The following STRA8 variants were observed in gnomAD, a reference collection of about 807,000 sequenced individuals.
STRA8 encodes the protein stimulated by retinoic acid gene 8 protein homolog.
A neutral mutation model predicts 37.1 loss-of-function variants in STRA8; 18 were observed. The observed-to-expected ratio is 0.48, with a 90% CI of 0.34 to 0.72. The LOEUF (loss-of-function observed/expected upper bound fraction) is 0.72. Ranked by LOEUF, STRA8 falls within the 30% of genes least tolerant of loss-of-function variation. The pLI is 0.01. For synonymous variants in STRA8, 168 were observed against 162.9 expected (o/e 1.03, Z -0.24); for missense variants, 357 against 410.4 (o/e 0.87, Z 1.13).
In STRA8 at chr7:135,246,238, C is replaced by T; in HGVS notation, c.594-179C>T. On this transcript the variant is annotated intron_variant, in intron 5 of 8. Coordinates refer to ENST00000662584, the MANE Select transcript of STRA8 (RefSeq NM_001394401.1). This position sits in a 1 kb window ranked among gnomAD's most constrained non-coding sequence, Gnocchi z 5.4. Reference sequence around the variant, plus strand: ...AGCCCAAGTCTATGTCCTTCATGGCCCCCAGGAAGGCTGCTGCTCTCCAAG... The same window carrying T: ...AGCCCAAGTCTATGTCCTTCATGGCTCCCAGGAAGGCTGCTGCTCTCCAAG... The T allele has an allele frequency of 2.5e-6, 2 of 811,970 alleles. No individual in the cohort carries two copies. Among genetic ancestry groups the T allele is most frequent in the Non-Finnish European group, 3.8e-6 (2 of 519,926 alleles). The allele number at this position is 811,970 out of a possible 1,614,324, so 50.3% of individuals were successfully genotyped here.
chr7:135,247,953 C>G (rs1207658531), intron 6 of STRA8, among the ~76,000 whole-genome samples: 1 of 152,252 alleles, frequency 6.6e-6, no homozygotes, highest in African/African-American at 2.4e-5. Context: ...TGCACATGCC[C>G]TGTGCTTCGT....
At chr7:135,236,322 C>T (rs190412916) in intron 1 of STRA8, among the ~76,000 whole-genome samples, 53 of 151,624 alleles carry the variant, frequency 3.5e-4, no homozygotes, top group Admixed American at 1.3e-3. Context: ...GATTTCTTGC[C>T]TCATCCAAAA....
chr7:135,244,542 A>T (rs764858068), intron 4 of STRA8, among the ~76,000 whole-genome samples: 1 of 152,178 alleles, frequency 6.6e-6, no homozygotes, highest in Non-Finnish European at 1.5e-5. Flanking sequence ...TAATAGATTG[A>T]GCTTTTTGTT....
At chr7:135,244,527 GTTTT>G (rs1319290253) in intron 4 of STRA8, among the ~76,000 whole-genome samples, 13 of 152,082 alleles carry the variant, frequency 8.5e-5, no homozygotes, top group African/African-American at 2.7e-4. Context: ...AATTTATCCT[GTTTT>G]TAATAGATTG....
rs1832547956 is a variant in STRA8 at position 135,246,026 on chromosome 7, C to A, written c.594-391C>A. The A allele has an allele frequency of 7.4e-6, 2 of 270,468 alleles. No individual in the cohort carries two copies. Among genetic ancestry groups the A allele is most frequent in the Non-Finnish European group, 1.4e-5 (2 of 140,426 alleles). The allele number at this position is 270,468 out of a possible 1,614,324, so 16.8% of individuals were successfully genotyped here. On this transcript the variant is annotated intron_variant, in intron 5 of 8. Transcript: ENST00000662584. This position sits in a 1 kb window ranked among gnomAD's most constrained non-coding sequence, Gnocchi z 5.4. Reference sequence around the variant, plus strand: ...CAATAGCAGGAGGCTCTCTCCACAGCCGAGCCTGACTTTCGGGCTGCAGGT... The same window carrying A: ...CAATAGCAGGAGGCTCTCTCCACAGACGAGCCTGACTTTCGGGCTGCAGGT...
intron 8 of STRA8, among the ~76,000 whole-genome samples, chr7:135,256,881 G>T (rs1312725244): frequency 1.3e-5 from 2 of 152,194 alleles, no homozygotes; most frequent in Admixed American, 1.3e-4. Context: ...AGTGCTGCAA[G>T]AACGGGCCCC....
chr7:135,251,570 CA>C (rs1832634078), intron 6 of STRA8, among the ~76,000 whole-genome samples: 2 of 152,300 alleles, frequency 1.3e-5, no homozygotes, highest in South Asian at 4.1e-4. Flanking sequence ...CCCTCACAGC[CA>C]CCTCCAGGGT....
At chr7:135,256,394 T>C (rs2129480088) in intron 8 of STRA8, among the ~76,000 whole-genome samples, 3 of 152,302 alleles carry the variant, frequency 2.0e-5, no homozygotes, top group African/African-American at 7.2e-5. Context: ...TCAGATACAG[T>C]TAAATTAGCC....
In STRA8 at chr7:135,245,425, A is replaced by AGGAG. The variant is rs1832534270; in HGVS notation, c.493_496dup (p.Glu166GlyfsTer28). The AGGAG allele has an allele frequency of 3.9e-6, 3 of 763,072 alleles. No homozygotes were observed. In the Admixed American group the frequency reaches 5.3e-5, roughly 14 times the overall value. The allele number at this position is 763,072 out of a possible 1,614,324, so 47.3% of individuals were successfully genotyped here. On this transcript the variant is annotated frameshift_variant, in exon 5 of 9. Coordinates refer to ENST00000662584, the MANE Select transcript of STRA8 (RefSeq NM_001394401.1). LOFTEE classifies it high-confidence loss of function. ...GAGGAGGAGGAAGAAGAAGAGGAGG[A>AGGAG]GGAGGAAGAGGAGGAAGAGGAAGAG...
At chr7:135,251,679 G>A in intron 6 of STRA8, 117 bp from the exon 7 acceptor site, 1 of 950,758 alleles carries the variant, frequency 1.1e-6, no homozygotes, top group Non-Finnish European at 1.7e-6. Context: ...TGACATGCAT[G>A]CCCTCTGGGG....
chr7:135,241,058 C>A (rs1206654152), intron 2 of STRA8, among the ~76,000 whole-genome samples: 1 of 152,138 alleles, frequency 6.6e-6, no homozygotes, highest in Non-Finnish European at 1.5e-5. Context: ...CCTTAATCAC[C>A]TTCCAAAAGC....
In STRA8 at chr7:135,240,708, G is replaced by A; in HGVS notation, c.184G>A (p.Ala62Thr). The stretch of plus-strand genomic sequence containing the variant: ...AGTGTACTCTCAGTCTGATCTCATA[G>A]CCTCAAAGGTATGGGGACCTGGAGG... ...KTVYSQSDLI[A>T]SKWQVLNKAK... Residue 62 changes from alanine to threonine, a missense_variant, in exon 2 of 9, where the codon GCC (alanine) becomes ACC (threonine). By Grantham distance (58) the Ala-to-Thr change is moderately conservative (BLOSUM62 0). Coordinates refer to ENST00000662584, the MANE Select transcript of STRA8 (RefSeq NM_001394401.1). 6.2e-7 allele frequency: 1 copy of A among 1,614,058 alleles called. No individual in the cohort carries two copies. Among genetic ancestry groups the A allele is most frequent in the Non-Finnish European group, 8.5e-7 (1 of 1,179,990 alleles).
At chr7:135,232,994 T>C (rs1585462615), upstream of STRA8, among the ~76,000 whole-genome samples, 1 of 152,364 alleles carries the variant, frequency 6.6e-6, no homozygotes, top group African/African-American at 2.4e-5. Context: ...AGGGGCTTTG[T>C]CCTGCATCTG....
intron 6 of STRA8, among the ~76,000 whole-genome samples, chr7:135,247,485 T>C (rs1253247094): frequency 6.6e-6 from 1 of 152,202 alleles, no homozygotes; most frequent in Non-Finnish European, 1.5e-5. Context: ...CTTCCTACTC[T>C]ACATCAGGTA....
At chr7:135,243,862 C>T (rs1323752976) in intron 4 of STRA8, among the ~76,000 whole-genome samples, 3 of 152,110 alleles carry the variant, frequency 2.0e-5, no homozygotes, top group Non-Finnish European at 4.4e-5. Context: ...CAGGAAAATG[C>T]AAATCTCAGT....
At chr7:135,252,982 T>C (rs192772980) in intron 7 of STRA8, among the ~76,000 whole-genome samples, 10 of 152,220 alleles carry the variant, frequency 6.6e-5, no homozygotes, top group Non-Finnish European at 1.5e-4. Flanking sequence ...TCACCCAGGC[T>C]GGAGTGCAGT....
intron 1 of STRA8, among the ~76,000 whole-genome samples, chr7:135,236,345 A>T (rs1046683642): frequency 4.6e-5 from 7 of 152,018 alleles, no homozygotes; most frequent in African/African-American, 1.7e-4. Flanking sequence ...ACAAAGTCAC[A>T]AGGTTGGTTA....
chr7:135,234,106 T>TGATGATGATG (rs563221133), intron 1 of STRA8, among the ~76,000 whole-genome samples: 18 of 150,760 alleles, frequency 1.2e-4, no homozygotes, highest in African/African-American at 4.4e-4. Flanking sequence ...TGATGATGAT[T>TGATGATGATG]ATTATTATTA....
intron 1 of STRA8, among the ~76,000 whole-genome samples, chr7:135,235,921 C>G (rs1832369337): frequency 6.6e-6 from 1 of 151,990 alleles, no homozygotes; most frequent in African/African-American, 2.4e-5. Context: ...CCAACCCGGG[C>G]AACATAGTGA....
Sources: allele counts gnomAD v4.1 joint callset (sites outside exome capture counted in the v4.1 genomes callset), GRCh38; gene constraint gnomAD v4.1.1; non-coding constraint Gnocchi (gnomAD v3.1); transcripts MANE v1.5; gene names NCBI Gene and HGNC (gene_info 2026-07-23, HGNC 2026-07-21).